TTN: variants seen among roughly 807,000 people sequenced by gnomAD.
The protein encoded by TTN is titin, also known as connectin.
Under a neutral mutation model 3,223.0 loss-of-function variants are expected in TTN, and 1,525 were observed. The observed-to-expected ratio is 0.47, with a 90% CI of 0.45 to 0.49. The LOEUF is 0.49. Among genes scored for constraint, TTN ranks in the 20% least tolerant of loss-of-function variants. The pLI is 0.00. For synonymous variants in TTN, 14,094 were observed against 15,161.0 expected, an observed-to-expected ratio of 0.93 and a Z score of 5.17; for missense variants, 40,786 against 43,424.0, an observed-to-expected ratio of 0.94 and a Z score of 5.40.
intron 332 of TTN, 62 bp from the exon 333 acceptor site, chr2:178,554,278 T>G: frequency 1.3e-6 from 2 of 1,481,714 alleles, no homozygotes; most frequent in South Asian, 1.3e-5. Flanking sequence ...ATTATACCTT[T>G]GATGTTCGCA....
chr2:178,783,183 A>C (rs1372417299), intron 17 of TTN, 119 bp from the exon 18 acceptor site: 1 of 1,044,252 alleles, frequency 9.6e-7, no homozygotes, highest in Non-Finnish European at 1.4e-6. Context: ...TGGCCTTTTA[A>C]TCAGGACTCC....
intron 118 of TTN, 113 bp from the exon 119 acceptor site, chr2:178,693,802 G>C: frequency 1.6e-6 from 2 of 1,238,144 alleles, no homozygotes; most frequent in South Asian, 2.9e-5. Flanking sequence ...AAATGAAAAA[G>C]ATGACAGAAT....
In TTN at chr2:178,564,713, C is replaced by T; in HGVS notation, c.81419G>A (p.Gly27140Asp). The T allele has an allele frequency of 6.2e-7, 1 of 1,613,288 alleles. No homozygotes were observed. The change falls in exon 326 of 363, where the codon GGC (glycine) becomes GAC (aspartate). Residue 27140 changes from glycine (G) to aspartate (D), a missense_variant. Gly to Asp is a moderately conservative substitution (Grantham distance 94). Transcript: ENST00000589042. The stretch of plus-strand genomic sequence containing the variant: ...AGAAACTTTGAACTCATACTCAAGG[C>T]CCTCATCAAGCCCAGTTGTTTTGAA... Reference protein sequence around the residue: ...TKFKTTGLDEGLEYEFKVSAE... With the variant: ...TKFKTTGLDEDLEYEFKVSAE...
chr2:178,671,825 T>C (rs1470060394), intron 155 of TTN, 146 bp downstream of exon 155: 57 of 770,260 alleles, frequency 7.4e-5, no homozygotes, highest in Non-Finnish European at 1.4e-5. Flanking sequence ...GGTTAAGAGA[T>C]ATTAATCTTT....
chr2:178,678,003 T>C, intron 145 of TTN, 86 bp from the exon 146 acceptor site: 1 of 1,560,608 alleles, frequency 6.4e-7, no homozygotes, highest in South Asian at 1.2e-5. Context: ...AGGCAAATAT[T>C]CTGTGATCAC....
rs1189958133 is a variant in TTN, at chr2:178,568,433, A to G, written c.77699T>C (p.Phe25900Ser). ...KPDPPKGPVKFDDVSAESITL... is the reference protein window; with the variant it reads ...KPDPPKGPVKSDDVSAESITL... ...AATACTTTCAGCACTGACGTCATCAAATTTAACAGGTCCTTTTGGAGGATC... is the reference window on the plus strand; with the variant it reads ...AATACTTTCAGCACTGACGTCATCAGATTTAACAGGTCCTTTTGGAGGATC... Residue 25900 changes from phenylalanine to serine, a missense_variant, in exon 326 of 363, where the codon TTT becomes TCT. Coordinates refer to ENST00000589042, the MANE Select transcript of TTN (RefSeq NM_001267550.2). The G allele has an allele frequency of 6.2e-7, 1 of 1,613,154 alleles. No individual in the cohort carries two copies. Among genetic ancestry groups the G allele is most frequent in the African/African-American group, 1.3e-5 (1 of 74,892 alleles).
chr2:178,652,755 A>C lies in TTN; in HGVS notation c.38960-19T>G, dbSNP rs775807052. On this transcript the variant is annotated intron_variant, in intron 200 of 362. Transcript: ENST00000589042. ...TCTGGTACTTAAAAGATATTAGTGAAATTACATTTAGGGGTTATGAAGACC... is the reference window on the plus strand; with the variant it reads ...TCTGGTACTTAAAAGATATTAGTGACATTACATTTAGGGGTTATGAAGACC... 1.2e-5 allele frequency: 20 copies of C among 1,611,422 alleles called. No individual in the cohort carries two copies. The Admixed American group carries it at 3.2e-4, about 26-fold the overall frequency.
Position 178,552,510 on chromosome 2 carries a change from T to C in TTN, c.90390A>G (p.Glu30130=). The change falls in exon 335 of 363, where the codon GAA becomes GAG. Residue 30130 remains glutamate, a synonymous_variant. Transcript: ENST00000589042. ...CCCCAGGGATATCTGACAGGTCAAC[T>C]TCAGGTGTAATAATAAGTTCTTTCA... ...ITVKELIITP[E]VDLSDIPGAQ... 1 of 1,613,654 alleles carries C rather than the reference T, an allele frequency of 6.2e-7. No homozygotes were observed. The highest frequency in any genetic ancestry group is 1.3e-5 in the African/African-American group (1 of 75,048).
Position 178,544,119 on chromosome 2 carries a change from G to A in TTN, c.96029-4C>T. The stretch of plus-strand genomic sequence containing the variant: ...GCAAGCTCAAGATCTGGTATTTCTG[G>A]AAAGTTAATGACAAAATTTAATTAA... On this transcript the variant is annotated splice_polypyrimidine_tract_variant and splice_region_variant and intron_variant, in intron 345 of 362. Transcript: ENST00000589042. 6.2e-7 allele frequency: 1 copy of A among 1,603,488 alleles called. No individual in the cohort carries two copies. The highest frequency in any genetic ancestry group is 8.5e-7 in the Non-Finnish European group (1 of 1,173,272).
chr2:178,680,286 A>T lies in TTN; in HGVS notation c.33386T>A (p.Val11129Asp). Residue 11129 changes from valine (V) to aspartate (D), a missense_variant, in exon 139 of 363, where the codon GTC (valine) becomes GAC (aspartate). By Grantham distance (152) the Val-to-Asp change is radical (BLOSUM62 -3). Transcript: ENST00000589042. ...KRVVAEEKVP[V>D]PRKEVAPPVR... Reference sequence around the variant, plus strand: ...AGGTGGTGCTACTTCTTTTCTAGGGACAGGTACTTTTTCTTCTGCGACAAC... The same window carrying T: ...AGGTGGTGCTACTTCTTTTCTAGGGTCAGGTACTTTTTCTTCTGCGACAAC... The T allele has an allele frequency of 6.2e-7, 1 of 1,612,014 alleles. No homozygotes were observed. The highest frequency in any genetic ancestry group is 8.5e-7 in the Non-Finnish European group (1 of 1,179,094).
intron 282 of TTN, among the ~76,000 whole-genome samples, chr2:178,603,005 C>CAAACT (rs1261536871): frequency 6.6e-6 from 1 of 151,978 alleles, no homozygotes; most frequent in Non-Finnish European, 1.5e-5. Context: ...CCTTTGAACA[C>CAAACT]AAACTAATCT....
chr2:178,777,215 G>T lies in TTN; in HGVS notation c.4748C>A (p.Pro1583His). 1 of 1,614,052 alleles carries T rather than the reference G, an allele frequency of 6.2e-7. No individual in the cohort carries two copies. The highest frequency in any genetic ancestry group is 8.5e-7 in the Non-Finnish European group (1 of 1,179,954). ...TTTCAACCATACAATGTCAGGGTTGGGGTTACCCGTAGCTCTGACTTTCAT... is the reference window on the plus strand; with the variant it reads ...TTTCAACCATACAATGTCAGGGTTGTGGTTACCCGTAGCTCTGACTTTCAT... ...LEMKVRATGN[P>H]NPDIVWLKNS... Residue 1583 changes from proline to histidine, a missense_variant, in exon 27 of 363, where the codon CCC (proline) becomes CAC (histidine). Coordinates refer to ENST00000589042, the MANE Select transcript of TTN (RefSeq NM_001267550.2).
At chr2:178,669,342 G>T in intron 159 of TTN, 31 bp downstream of exon 159, 1 of 1,498,870 alleles carries the variant, frequency 6.7e-7, no homozygotes, top group Non-Finnish European at 8.9e-7. Context: ...TAAATGAAAC[G>T]AAAAAGAACC....
In TTN at chr2:178,777,987, A is replaced by T. The variant is rs1224692541; in HGVS notation, c.4209-12T>A. ...GTGGAGAGAGAGATCTGCAAAACAAAGACACACAATACTTTCGTGAGGCAT... is the reference window on the plus strand; with the variant it reads ...GTGGAGAGAGAGATCTGCAAAACAATGACACACAATACTTTCGTGAGGCAT... On this transcript the variant is annotated splice_polypyrimidine_tract_variant and intron_variant, in intron 24 of 362. Transcript: ENST00000589042. 1.9e-6 allele frequency: 3 copies of T among 1,612,710 alleles called. No homozygotes were observed. The highest frequency in any genetic ancestry group is 2.5e-6 in the Non-Finnish European group (3 of 1,179,520).
intron 349 of TTN, 178 bp downstream of exon 349, chr2:178,542,086 C>T: frequency 3.5e-6 from 2 of 566,378 alleles, no homozygotes; most frequent in Non-Finnish European, 2.9e-6. Context: ...TGTTGAAAAC[C>T]TCTGAGAAAA....
At position 178,604,154 on chromosome 2, in the gene TTN, C is replaced by T. The variant is rs879023208; in HGVS notation, c.54533G>A (p.Arg18178His). ...GCTCACTAGCATTGATCCTTTGGTG[C>T]GTGCCAAAACTTTTGGTTTTCCTGG... ...GPPGKPKVLARTKGSMLVSWT... is the reference protein window; with the variant it reads ...GPPGKPKVLAHTKGSMLVSWT... The change falls in exon 282 of 363, where the codon CGC (arginine) becomes CAC (histidine). Residue 18178 changes from arginine to histidine, a missense_variant. Transcript: ENST00000589042. 6.8e-6 allele frequency: 11 copies of T among 1,611,896 alleles called. No individual in the cohort carries two copies. Among genetic ancestry groups the T allele is most frequent in the African/African-American group, 1.3e-5 (1 of 74,772 alleles).
At chr2:178,792,323 T>C in intron 9 of TTN, 126 bp from the exon 10 acceptor site, 1 of 860,738 alleles carries the variant, frequency 1.2e-6, no homozygotes, top group Non-Finnish European at 1.7e-6. Context: ...TGTCACTAAA[T>C]AAAATAAATA....
At chr2:178,611,992 AAAAACAC>A in intron 267 of TTN, 38 bp from the exon 268 acceptor site, 1 of 1,604,752 alleles carries the variant, frequency 6.2e-7, no homozygotes, top group Non-Finnish European at 8.5e-7. Context: ...GCATTAATGA[AAAAACAC>A]AGTTAAGAAT....
Position 178,677,880 on chromosome 2 carries a change from A to T in TTN, c.34032T>A (p.Ala11344=). The change falls in exon 146 of 363, where the codon GCT becomes GCA. Residue 11344 remains alanine (A), a synonymous_variant. Coordinates refer to ENST00000589042, the MANE Select transcript of TTN (RefSeq NM_001267550.2). ...KKREPVPVPV[A]LPQEEEVLFE... ...ATAGAACTTCCTCTTCCTGAGGTAG[A>T]GCTACAGGAACTGGAACTGGTTCAC... The T allele has an allele frequency of 1.9e-6, 3 of 1,610,400 alleles. No individual in the cohort carries two copies. The highest frequency in any genetic ancestry group is 2.5e-6 in the Non-Finnish European group (3 of 1,178,484).
Sources: allele counts gnomAD v4.1 joint callset (sites outside exome capture counted in the v4.1 genomes callset), GRCh38; gene constraint gnomAD v4.1.1; transcripts MANE v1.5; gene names NCBI Gene and HGNC (gene_info 2026-07-23, HGNC 2026-07-21).